TSGA10: variants seen among roughly 807,000 people sequenced by gnomAD.
TSGA10 encodes the protein testis specific 10.
Under a neutral mutation model 96.6 loss-of-function variants are expected in TSGA10, and 43 were observed. The ratio of observed to expected loss-of-function variants is 0.44; its 90% CI spans 0.35 to 0.57. The LOEUF (loss-of-function observed/expected upper bound fraction) is 0.57. Among genes scored for constraint, TSGA10 ranks in the 20% least tolerant of loss-of-function variants. TSGA10 has a pLI of 0.01. For missense variants in TSGA10, 703 were observed against 834.4 expected, an observed-to-expected ratio of 0.84 and a Z score of 1.94; for synonymous variants, 229 against 269.9, an observed-to-expected ratio of 0.85 and a Z score of 1.48.
intron 1 of TSGA10, among the ~76,000 whole-genome samples, chr2:99,132,144 G>A (rs568078984): frequency 6.6e-6 from 1 of 152,264 alleles, no homozygotes; most frequent in Non-Finnish European, 1.5e-5. Context: ...CATAAAATGA[G>A]TTAGGGAGGA....
intron 5 of TSGA10, among the ~76,000 whole-genome samples, chr2:99,110,393 T>C (rs1211637781): frequency 2.0e-5 from 3 of 152,208 alleles, no homozygotes; most frequent in Non-Finnish European, 2.9e-5. Flanking sequence ...AGATAGAGGG[T>C]TTTAAATATT....
At chr2:99,078,271 GAA>G (rs200891345) in intron 12 of TSGA10, among the ~76,000 whole-genome samples, 5 of 81,464 alleles carry the variant, frequency 6.1e-5, no homozygotes, top group South Asian at 5.0e-4. Flanking sequence ...ACTCCCGTTT[GAA>G]AAAAAAAAAA....
At chr2:99,148,556 A>G (rs2093655481) in intron 1 of TSGA10, among the ~76,000 whole-genome samples, 1 of 152,248 alleles carries the variant, frequency 6.6e-6, no homozygotes, top group South Asian at 2.1e-4. Context: ...AAATATGGAT[A>G]AACAGGGTTT....
intron 20 of TSGA10, among the ~76,000 whole-genome samples, chr2:99,017,588 AC>A (rs1332519828): frequency 6.6e-6 from 1 of 151,460 alleles, no homozygotes; most frequent in Non-Finnish European, 1.5e-5. Context: ...AAACGGTGAA[AC>A]CCCGTCTCTA....
At chr2:99,005,577 A>C (rs1340565361) in intron 20 of TSGA10, among the ~76,000 whole-genome samples, 1 of 152,208 alleles carries the variant, frequency 6.6e-6, no homozygotes, top group African/African-American at 2.4e-5. Context: ...TAGGAATCCA[A>C]CTTACAAGGG....
chr2:99,099,073 G>C (rs1211127087), intron 10 of TSGA10, among the ~76,000 whole-genome samples: 1 of 152,224 alleles, frequency 6.6e-6, no homozygotes, highest in African/African-American at 2.4e-5. Flanking sequence ...AGCACTTTGG[G>C]AGGCCAAGGC....
At chr2:99,048,744 A>C (rs2083063003) in intron 16 of TSGA10, among the ~76,000 whole-genome samples, 1 of 152,208 alleles carries the variant, frequency 6.6e-6, no homozygotes, top group Non-Finnish European at 1.5e-5. Context: ...ATCTAATTAA[A>C]CTAAAGAGCT....
intron 16 of TSGA10, among the ~76,000 whole-genome samples, chr2:99,039,501 G>A (rs1178843960): frequency 6.6e-6 from 1 of 151,960 alleles, no homozygotes; most frequent in African/African-American, 2.4e-5. Flanking sequence ...AGGCTACTAT[G>A]AACATTGTTA....
chr2:99,091,563 CTAACACA>C (rs1418438520), intron 10 of TSGA10, among the ~76,000 whole-genome samples: 2 of 152,082 alleles, frequency 1.3e-5, no homozygotes, highest in Admixed American at 6.6e-5. Flanking sequence ...AGAGACTCAC[CTAACACA>C]TAAGAATCCA....
At chr2:99,086,213 C>T (rs1341380950) in intron 10 of TSGA10, among the ~76,000 whole-genome samples, 1 of 152,098 alleles carries the variant, frequency 6.6e-6, no homozygotes, top group Non-Finnish European at 1.5e-5. Context: ...AACCAAAAAA[C>T]ACAATTGTAT....
chr2:99,028,089 G>A (rs570415384), intron 17 of TSGA10, among the ~76,000 whole-genome samples: 5 of 152,120 alleles, frequency 3.3e-5, no homozygotes, highest in Non-Finnish European at 5.9e-5. Flanking sequence ...AGCCCCTCCC[G>A]CTAGGATGCA....
chr2:99,052,416 A>C (rs1249368576), intron 16 of TSGA10, among the ~76,000 whole-genome samples: 7 of 152,156 alleles, frequency 4.6e-5, no homozygotes, highest in African/African-American at 1.7e-4. Context: ...ATCATGAAAA[A>C]AAATTTTTTT....
At chr2:99,074,029 T>TTTTTTTG (rs1241657890) in intron 12 of TSGA10, among the ~76,000 whole-genome samples, 3 of 136,844 alleles carry the variant, frequency 2.2e-5, no homozygotes, top group African/African-American at 5.7e-5. Flanking sequence ...TTTTTTTTTT[T>TTTTTTTG]GAGATGGAGT....
intron 10 of TSGA10, among the ~76,000 whole-genome samples, chr2:99,096,834 T>A (rs1239168086): frequency 6.6e-6 from 1 of 152,228 alleles, no homozygotes; most frequent in Non-Finnish European, 1.5e-5. Context: ...TATCTGTTAT[T>A]TTCTTAGGGA....
chr2:99,045,432 C>T (rs2082665819), intron 16 of TSGA10, among the ~76,000 whole-genome samples: 1 of 152,232 alleles, frequency 6.6e-6, no homozygotes, highest in African/African-American at 2.4e-5. Flanking sequence ...CAATATTCAA[C>T]ATTCTTAAAG....
intron 10 of TSGA10, among the ~76,000 whole-genome samples, chr2:99,100,314 A>G (rs2090540545): frequency 1.3e-5 from 2 of 152,230 alleles, no homozygotes; most frequent in Non-Finnish European, 2.9e-5. Flanking sequence ...AAAGTTTTGT[A>G]ATGGTACAAG....
intron 1 of TSGA10, among the ~76,000 whole-genome samples, chr2:99,130,322 C>T (rs981173150): frequency 1.3e-5 from 2 of 150,246 alleles, no homozygotes; most frequent in African/African-American, 2.5e-5. Context: ...GATCGCCATT[C>T]AAACTGGTAT....
chr2:99,103,852 C>T, intron 10 of TSGA10, 115 bp downstream of exon 10: 3 of 1,294,954 alleles, frequency 2.3e-6, no homozygotes, highest in Non-Finnish European at 3.1e-6. Context: ...AACTGCTTTT[C>T]AATAATCCTC....
chr2:99,070,885 C>G (rs2085886067), intron 14 of TSGA10, among the ~76,000 whole-genome samples: 1 of 152,092 alleles, frequency 6.6e-6, no homozygotes, highest in Admixed American at 6.6e-5. Context: ...AATATTGACA[C>G]ATTATTATCT....
Sources: gnomAD v4.1 joint callset for allele counts (sites outside exome capture counted in the v4.1 genomes callset) on GRCh38, gnomAD v4.1.1 for gene constraint, MANE v1.5 for transcripts, NCBI Gene and HGNC (gene_info 2026-07-23, HGNC 2026-07-21) for gene names.